Variants in OSCP1 observed in about 807,000 individuals in gnomAD.
OSCP1 encodes organic solute carrier partner 1.
A neutral mutation model predicts 45.1 loss-of-function variants in OSCP1; 35 were observed. The observed-to-expected ratio is 0.78, with a 90% CI of 0.59 to 1.03. The LOEUF (loss-of-function observed/expected upper bound fraction) is 1.03. OSCP1 is among the 50% of genes least tolerant of loss of function. OSCP1 has a pLI of 0.00. For missense variants in OSCP1, 400 were observed against 470.7 expected (o/e 0.85, Z 1.39); for synonymous variants, 179 against 180.1 (o/e 0.99, Z 0.05).
In OSCP1 at chr1:36,422,897, C is replaced by G; in HGVS notation, c.621-1G>C. ...TTCTTCACCTTTGTTGTTGAACATT[C>G]TACAATACAAAGTATGACATGATGG... On this transcript the variant is annotated splice_acceptor_variant, in intron 5 of 9. Transcript: ENST00000235532. LOFTEE classifies it high-confidence loss of function. 2.5e-6 allele frequency: 4 copies of G among 1,596,498 alleles called. No individual in the cohort carries two copies. Among genetic ancestry groups the G allele is most frequent in the African/African-American group, 1.3e-5 (1 of 74,404 alleles).
rs1647945831 is a variant in OSCP1 at position 36,426,077 on chromosome 1, G to T, written c.517-2611C>A. 2.0e-5 allele frequency among the ~76,000 whole-genome samples: 3 copies of T among 152,146 alleles called. No individual in the cohort carries two copies. The South Asian group carries it at 6.2e-4, about 32-fold the overall frequency. The stretch of plus-strand genomic sequence containing the variant: ...AACTGGTTTGGTCAGAGGGTTTGCT[G>T]GATGACGTTTAAGACATTTTTAACC... On this transcript the variant is annotated intron_variant, in intron 4 of 9. Transcript: ENST00000235532.
At chr1:36,423,567 T>C (rs1647784296) in intron 4 of OSCP1, 101 bp from the exon 5 acceptor site, 3 of 913,334 alleles carry the variant, frequency 3.3e-6, no homozygotes, top group African/African-American at 1.7e-5. Context: ...ACATGACCTA[T>C]GAGTTTATAA....
chr1:36,436,708 A>C (rs1455618591), intron 2 of OSCP1, among the ~76,000 whole-genome samples: 1 of 152,200 alleles, frequency 6.6e-6, no homozygotes, highest in African/African-American at 2.4e-5. Context: ...TATATTTTAC[A>C]TTAACTAAAG....
chr1:36,419,530 T>C (rs1647484009), intron 8 of OSCP1, among the ~76,000 whole-genome samples: 1 of 152,184 alleles, frequency 6.6e-6, no homozygotes, highest in Non-Finnish European at 1.5e-5. Context: ...AAGTTATTAA[T>C]AGTTCAATGA....
chr1:36,423,341 C>T (rs1301013800), intron 5 of OSCP1, 22 bp downstream of exon 5: 1 of 1,564,614 alleles, frequency 6.4e-7, no homozygotes, highest in East Asian at 2.2e-5. Context: ...AAACATAGCT[C>T]TGATCATTGT....
intron 2 of OSCP1, among the ~76,000 whole-genome samples, chr1:36,433,882 T>C (rs932753279): frequency 6.6e-6 from 1 of 152,026 alleles, no homozygotes; most frequent in African/African-American, 2.4e-5. Flanking sequence ...ATTGCATGAA[T>C]GAAAGAAATG....
rs1486399004 is a variant in OSCP1 at position 36,432,524 on chromosome 1, C to A, written c.333G>T (p.Val111=). The change falls in exon 3 of 10, where the codon GTG becomes GTT. Residue 111 remains valine, a synonymous_variant. Coordinates refer to ENST00000235532, the MANE Select transcript of OSCP1 (RefSeq NM_145047.5). ...CCAAGTGATTGAAAGTGACCAGCAG[C>A]ACATCCTTGGGTCGGGGACACAGCA... ...QVLLCPRPKD[V]LLVTFNHLDT... is the part of the protein sequence containing the mutation. 1 of 1,614,112 alleles carries A rather than the reference C, an allele frequency of 6.2e-7. No homozygotes were observed. Among genetic ancestry groups the A allele is most frequent in the South Asian group, 1.1e-5 (1 of 91,078 alleles).
At chr1:36,437,381 GT>G (rs1476811644) in intron 2 of OSCP1, among the ~76,000 whole-genome samples, 1 of 152,030 alleles carries the variant, frequency 6.6e-6, no homozygotes, top group Non-Finnish European at 1.5e-5. Flanking sequence ...AAATAGATAT[GT>G]TCACATTATG....
At chr1:36,434,630 A>C (rs532199078) in intron 2 of OSCP1, among the ~76,000 whole-genome samples, 23 of 151,870 alleles carry the variant, frequency 1.5e-4, no homozygotes, top group African/African-American at 5.1e-4. Context: ...CGTGCCTGTA[A>C]TCTCAGCTAC....
intron 4 of OSCP1, among the ~76,000 whole-genome samples, chr1:36,426,340 T>A (rs1331386564): frequency 6.6e-6 from 1 of 152,174 alleles, no homozygotes; most frequent in African/African-American, 2.4e-5. Context: ...GCCCCTCTGC[T>A]GGCCTTTTCT....
Position 36,447,730 on chromosome 1 carries a change from G to GT in OSCP1, c.112+2527dup. ...GTTTAAGAGGAGCCCTTGGTACAAAGTAAGTGCTTGATTTTTCATTGTTTT... is the reference window on the plus strand; with the variant it reads ...GTTTAAGAGGAGCCCTTGGTACAAAGTTAAGTGCTTGATTTTTCATTGTTTT... On this transcript the variant is annotated intron_variant, in intron 1 of 9. Coordinates refer to ENST00000235532, the MANE Select transcript of OSCP1 (RefSeq NM_145047.5). This position sits in a 1 kb window ranked among gnomAD's most constrained non-coding sequence, Gnocchi z 4.1. The GT allele has an allele frequency of 3.9e-6, 1 of 257,600 alleles. No homozygotes were observed. The highest frequency in any genetic ancestry group is 4.5e-5 in the Admixed American group (1 of 22,012). 16.0% of individuals were successfully genotyped at this position (257,600 alleles called of 1,614,324 possible). A position where few individuals can be genotyped will look rare whatever the true frequency, so the allele number is the denominator to read the frequency against.
At chr1:36,437,829 T>TA (rs970485172) in intron 2 of OSCP1, among the ~76,000 whole-genome samples, 1 of 152,122 alleles carries the variant, frequency 6.6e-6, no homozygotes, top group African/African-American at 2.4e-5. Context: ...GGTTGAGTGC[T>TA]TTTATTGTGT....
chr1:36,446,873 C>T (rs1028773148), intron 1 of OSCP1, among the ~76,000 whole-genome samples: 2 of 152,152 alleles, frequency 1.3e-5, no homozygotes, highest in African/African-American at 2.4e-5. Context: ...GCAAAGGTAG[C>T]TTTTATTATT....
chr1:36,436,448 C>G (rs1274160037), intron 2 of OSCP1, among the ~76,000 whole-genome samples: 1 of 151,982 alleles, frequency 6.6e-6, no homozygotes, highest in South Asian at 2.1e-4. Context: ...GCTATGTTGC[C>G]AAGGCTGGTC....
chr1:36,442,722 AT>A (rs1217924088), intron 1 of OSCP1, among the ~76,000 whole-genome samples: 1 of 152,202 alleles, frequency 6.6e-6, no homozygotes, highest in Non-Finnish European at 1.5e-5. Flanking sequence ...AATCCTTTCT[AT>A]GTCCCAGGCA....
intron 2 of OSCP1, among the ~76,000 whole-genome samples, chr1:36,438,294 GC>G (rs1488964447): frequency 8.0e-6 from 1 of 125,196 alleles, no homozygotes; most frequent in Non-Finnish European, 1.6e-5. Context: ...TCCAGCCTGG[GC>G]AACAAGAGCG....
Position 36,447,231 on chromosome 1 carries a change from G to A in OSCP1, c.112+3027C>T, listed in dbSNP as rs78718511. On this transcript the variant is annotated intron_variant, in intron 1 of 9. Transcript: ENST00000235532. The surrounding 1 kb of genome is among the most constrained non-coding windows in gnomAD (Gnocchi z 4.1). ...AAATGGTGGAATAGGTGGAAGACAT[G>A]AGTATTTCTCAGCCCGTTGAATCCT... Among the ~76,000 whole-genome samples the A allele has an allele frequency of 0.1, 15,650 of 152,240 alleles. 959 individuals carry two copies. The highest frequency in any genetic ancestry group is 0.29 in the East Asian group (1,516 of 5,164).
intron 1 of OSCP1, among the ~76,000 whole-genome samples, chr1:36,449,860 A>AAAAAAAAAT: frequency 6.7e-6 from 1 of 148,534 alleles, no homozygotes; most frequent in Admixed American, 6.8e-5. Flanking sequence ...AAAAAAAAAA[A>AAAAAAAAAT]AAAAAAAATC....
At chr1:36,430,153 C>T (rs1175817560) in intron 4 of OSCP1, among the ~76,000 whole-genome samples, 1 of 151,878 alleles carries the variant, frequency 6.6e-6, no homozygotes, top group Non-Finnish European at 1.5e-5. Flanking sequence ...AGTGATCCTC[C>T]TACCTCAGCC....
Sources: gnomAD v4.1 joint callset for allele counts (sites outside exome capture counted in the v4.1 genomes callset) on GRCh38, gnomAD v4.1.1 for gene constraint, Gnocchi (gnomAD v3.1) non-coding constraint, MANE v1.5 for transcripts, NCBI Gene and HGNC (gene_info 2026-07-23, HGNC 2026-07-21) for gene names.